The following GULP1 variants were observed in gnomAD, a reference collection of about 807,000 sequenced individuals.
The protein encoded by GULP1 is GULP PTB domain containing engulfment adaptor 1.
Under a neutral mutation model 40.9 loss-of-function variants are expected in GULP1, and 19 were observed. That is an observed-to-expected ratio of 0.46 (90% confidence interval 0.32 to 0.68). The LOEUF is 0.68. Among genes scored for constraint, GULP1 ranks in the 30% least tolerant of loss-of-function variants. The pLI, the probability that GULP1 is intolerant of heterozygous loss-of-function variation, is 0.03. For missense variants in GULP1, 312 were observed against 362.2 expected, an observed-to-expected ratio of 0.86 and a Z score of 1.12; for synonymous variants, 119 against 117.6, an observed-to-expected ratio of 1.01 and a Z score of -0.08.
chr2:188,399,433 C>T (rs984654815), intron 2 of GULP1, among the ~76,000 whole-genome samples: 4 of 152,036 alleles, frequency 2.6e-5, no homozygotes, highest in African/African-American at 7.2e-5. Context: ...CAAAAGACTG[C>T]CTGTACTAGG....
rs546093879 is a variant in GULP1, at chr2:188,300,067, A to T, written c.-172+7901A>T. On this transcript the variant is annotated intron_variant, in intron 1 of 11. Transcript: ENST00000409830. ...AATTTTAGCTGGATTATCTTGCAAA[A>T]CAACCATCTTGTTTTTCTTTCTTTT... Among the ~76,000 whole-genome samples the T allele has an allele frequency of 3.3e-5, 5 of 152,312 alleles. 1 individual carries two copies. The South Asian group carries it at 1.0e-3, about 32-fold the overall frequency.
Position 188,594,046 on chromosome 2 carries a change from GTGTT to G in GULP1, c.*39_*42del. On this transcript the variant is annotated 3_prime_UTR_variant, in exon 12 of 12. Coordinates refer to ENST00000409830, the MANE Select transcript of GULP1 (RefSeq NM_016315.4). ...CAAGAAATCCTGATTCATGTTAAAT[GTGTT>G]TGTATACACATGTCATTTATTATTA... 2.7e-6 allele frequency: 3 copies of G among 1,097,800 alleles called. No individual in the cohort carries two copies. The highest frequency in any genetic ancestry group is 2.8e-6 in the Non-Finnish European group (2 of 711,402). 68.0% of individuals were successfully genotyped at this position (1,097,800 alleles called of 1,614,324 possible).
At chr2:188,297,106 T>G (rs10180000) in intron 1 of GULP1, among the ~76,000 whole-genome samples, 22,874 of 152,032 alleles carry the variant, frequency 0.15, 1,862 homozygotes, top group Middle Eastern at 0.17. Flanking sequence ...AACAACTAAT[T>G]AAAAATGTTT....
At chr2:188,410,640 A>G (rs190847099) in intron 2 of GULP1, among the ~76,000 whole-genome samples, 9 of 152,210 alleles carry the variant, frequency 5.9e-5, no homozygotes, top group Non-Finnish European at 8.8e-5. Context: ...TAAAACCACA[A>G]TGAGCTATCA....
At chr2:188,348,892 G>C (rs919088110) in intron 1 of GULP1, among the ~76,000 whole-genome samples, 14 of 152,164 alleles carry the variant, frequency 9.2e-5, no homozygotes, top group African/African-American at 3.1e-4. Flanking sequence ...AGTTGCCTAA[G>C]TATGAACCGA....
In GULP1 at chr2:188,346,969, C is replaced by CAA. The variant is rs111270430; in HGVS notation, c.-171-36780_-171-36779dup. On this transcript the variant is annotated intron_variant, in intron 1 of 11. Transcript: ENST00000409830. ...CTGGTGACAGAGAAAGACTCCGTCT[C>CAA]AAAAAAAAAAAAAAATTGTTTTGCT... Among the ~76,000 whole-genome samples, 10 of 122,590 alleles carry CAA rather than the reference C, an allele frequency of 8.2e-5. No individual in the cohort carries two copies. The East Asian group carries it at 9.7e-4, about 12-fold the overall frequency. 80.4% of individuals were successfully genotyped at this position (122,590 alleles called of 152,430 possible).
At chr2:188,373,841 C>A (rs1057498748) in intron 1 of GULP1, among the ~76,000 whole-genome samples, 1 of 151,892 alleles carries the variant, frequency 6.6e-6, no homozygotes, top group African/African-American at 2.4e-5. Flanking sequence ...ATCATTTGGT[C>A]TTTGTGTAAT....
chr2:188,524,349 A>G (rs1169414294), intron 5 of GULP1, among the ~76,000 whole-genome samples: 1 of 152,116 alleles, frequency 6.6e-6, no homozygotes, highest in African/African-American at 2.4e-5. Context: ...TCATGTTTAG[A>G]AATGTACTCT....
At chr2:188,558,710 C>A (rs1301286990) in intron 7 of GULP1, among the ~76,000 whole-genome samples, 2 of 152,118 alleles carry the variant, frequency 1.3e-5, no homozygotes, top group Admixed American at 1.3e-4. Context: ...GTGATATGGA[C>A]AATAAGGTCC....
intron 2 of GULP1, among the ~76,000 whole-genome samples, chr2:188,426,587 T>C (rs1036993814): frequency 2.6e-5 from 4 of 152,338 alleles, no homozygotes; most frequent in African/African-American, 7.2e-5. Context: ...CTACCTGTTA[T>C]GTGATGCTAT....
chr2:188,424,887 A>T (rs1391953387), intron 2 of GULP1, among the ~76,000 whole-genome samples: 2 of 151,980 alleles, frequency 1.3e-5, no homozygotes, highest in African/African-American at 4.8e-5. Flanking sequence ...AGTTTATGGA[A>T]TTTCTTGTAA....
intron 2 of GULP1, among the ~76,000 whole-genome samples, chr2:188,406,977 C>T (rs2053202719): frequency 6.6e-6 from 1 of 151,884 alleles, no homozygotes; most frequent in Non-Finnish European, 1.5e-5. Context: ...CTGTGAAAAT[C>T]AAAGACAGAG....
chr2:188,336,793 T>A (rs1489965625), intron 1 of GULP1, among the ~76,000 whole-genome samples: 2 of 152,156 alleles, frequency 1.3e-5, no homozygotes, highest in Non-Finnish European at 1.5e-5. Context: ...GGAGGACCAC[T>A]AAAAGACTAG....
At chr2:188,494,070 C>G (rs1377814523) in intron 4 of GULP1, among the ~76,000 whole-genome samples, 1 of 151,978 alleles carries the variant, frequency 6.6e-6, no homozygotes, top group African/African-American at 2.4e-5. Context: ...TTGACTTAAC[C>G]CATGTGACAT....
At chr2:188,493,999 G>A (rs969125892) in intron 4 of GULP1, among the ~76,000 whole-genome samples, 1 of 151,976 alleles carries the variant, frequency 6.6e-6, no homozygotes, top group Non-Finnish European at 1.5e-5. Flanking sequence ...TATGGATCAT[G>A]TGCCCTTCTT....
intron 2 of GULP1, among the ~76,000 whole-genome samples, chr2:188,463,135 A>G (rs373670623): frequency 6.6e-6 from 1 of 152,012 alleles, no homozygotes; most frequent in East Asian, 1.9e-4. Flanking sequence ...AACATTTCTT[A>G]TTGCTCATTA....
intron 1 of GULP1, among the ~76,000 whole-genome samples, chr2:188,334,566 A>G (rs866706340): frequency 3.9e-5 from 6 of 152,222 alleles, no homozygotes; most frequent in Admixed American, 2.6e-4. Flanking sequence ...GCTAGGATTG[A>G]CAAGTCTAGT....
chr2:188,573,761 A>G (rs1699609952), intron 9 of GULP1, among the ~76,000 whole-genome samples: 1 of 152,240 alleles, frequency 6.6e-6, no homozygotes. Flanking sequence ...TTAAAGAAGC[A>G]TTGAAGTAAA....
intron 2 of GULP1, among the ~76,000 whole-genome samples, chr2:188,451,039 T>C (rs1213113531): frequency 6.6e-6 from 1 of 152,212 alleles, no homozygotes; most frequent in African/African-American, 2.4e-5. Context: ...CTCCAAAATG[T>C]AGTGACTCTT....
Sources: allele counts gnomAD v4.1 joint callset (sites outside exome capture counted in the v4.1 genomes callset), GRCh38; gene constraint gnomAD v4.1.1; transcripts MANE v1.5; gene names NCBI Gene and HGNC (gene_info 2026-07-23, HGNC 2026-07-21).